WDFY3: variants seen among roughly 807,000 people sequenced by gnomAD.
WDFY3 encodes WD repeat and FYVE domain-containing protein 3.
Under a neutral mutation model 409.6 loss-of-function variants are expected in WDFY3, and 66 were observed. The observed-to-expected ratio is 0.16, with a 90% CI of 0.13 to 0.20. WDFY3 has a LOEUF of 0.20. Among genes scored for constraint, WDFY3 ranks in the 10% least tolerant of loss-of-function variants. The pLI is 1.00. For synonymous variants in WDFY3, 1,521 were observed against 1,537.1 expected (o/e 0.99, Z 0.25); for missense variants, 3,031 against 4,298.1 (o/e 0.71, Z 8.24).
intron 3 of WDFY3, among the ~76,000 whole-genome samples, chr4:84,878,311 A>C (rs1020164043): frequency 6.6e-6 from 1 of 152,248 alleles, no homozygotes; most frequent in African/African-American, 2.4e-5. Flanking sequence ...TAGTGTCATA[A>C]GAAATCATGA....
At chr4:84,710,231 T>C (rs1442354122) in intron 51 of WDFY3, among the ~76,000 whole-genome samples, 1 of 152,186 alleles carries the variant, frequency 6.6e-6, no homozygotes, top group African/African-American at 2.4e-5. Flanking sequence ...GATCCAAGCA[T>C]ACTTAATTAG....
At chr4:84,829,237 G>T in intron 8 of WDFY3, 47 bp from the exon 9 acceptor site, 1 of 1,429,074 alleles carries the variant, frequency 7.0e-7, no homozygotes, top group Non-Finnish European at 9.3e-7. Flanking sequence ...CCTGACAATC[G>T]CTTAAAAATT....
At chr4:84,792,271 T>G (rs1031964860) in intron 21 of WDFY3, among the ~76,000 whole-genome samples, 1 of 152,192 alleles carries the variant, frequency 6.6e-6, no homozygotes, top group South Asian at 2.1e-4. Context: ...TGAGGTGACT[T>G]GATATAGGAA....
intron 44 of WDFY3, among the ~76,000 whole-genome samples, chr4:84,730,091 T>C (rs2149142955): frequency 1.3e-5 from 2 of 152,280 alleles, no homozygotes; most frequent in African/African-American, 4.8e-5. Flanking sequence ...TTAAGGTAGT[T>C]TAAACTTTAG....
At chr4:84,744,619 C>T (rs1164324945) in intron 36 of WDFY3, among the ~76,000 whole-genome samples, 1 of 151,356 alleles carries the variant, frequency 6.6e-6, no homozygotes, top group Non-Finnish European at 1.5e-5. Context: ...TTTGGGAGGC[C>T]GAGGCGGGCG....
intron 67 of WDFY3, among the ~76,000 whole-genome samples, chr4:84,674,375 G>A (rs1725908667): frequency 6.6e-6 from 1 of 151,810 alleles, no homozygotes; most frequent in African/African-American, 2.4e-5. Context: ...TGTGAGACCA[G>A]CCTGGGGAAC....
intron 24 of WDFY3, among the ~76,000 whole-genome samples, chr4:84,785,151 A>G (rs1202897992): frequency 2.0e-5 from 3 of 151,858 alleles, no homozygotes; most frequent in Non-Finnish European, 4.4e-5. Context: ...ATCTTTCTCC[A>G]TCAGAGCCAA....
intron 2 of WDFY3, among the ~76,000 whole-genome samples, chr4:84,897,658 C>A (rs1009062952): frequency 6.6e-6 from 1 of 152,062 alleles, no homozygotes; most frequent in African/African-American, 2.4e-5. Context: ...GGGAAATGCA[C>A]TTTTAAGATA....
chr4:84,899,082 ACTGT>A (rs1456057895), intron 2 of WDFY3, among the ~76,000 whole-genome samples: 1 of 152,234 alleles, frequency 6.6e-6, no homozygotes, highest in East Asian at 1.9e-4. Flanking sequence ...GATACGATCA[ACTGT>A]CTAATTGATT....
chr4:84,765,343 T>C (rs1028372539), intron 32 of WDFY3, among the ~76,000 whole-genome samples: 5 of 152,204 alleles, frequency 3.3e-5, no homozygotes, highest in Non-Finnish European at 5.9e-5. Context: ...GTTAAAAGCA[T>C]AGGCTTTGGA....
At chr4:84,808,231 A>G (rs902584777) in intron 15 of WDFY3, 103 bp downstream of exon 15, 6 of 1,007,496 alleles carry the variant, frequency 6.0e-6, no homozygotes, top group African/African-American at 1.6e-5. Context: ...AAAACAAAAA[A>G]AAACTGAAAT....
intron 9 of WDFY3, among the ~76,000 whole-genome samples, chr4:84,828,543 G>A (rs1755197452): frequency 1.3e-5 from 2 of 152,130 alleles, no homozygotes; most frequent in Admixed American, 6.6e-5. Context: ...CATCATGTTT[G>A]TGCCCTGCAT....
At chr4:84,885,495 CAAA>C (rs1452117368) in intron 3 of WDFY3, among the ~76,000 whole-genome samples, 1 of 150,982 alleles carries the variant, frequency 6.6e-6, no homozygotes, top group Non-Finnish European at 1.5e-5. Flanking sequence ...TGTAAGCCAA[CAAA>C]AAAAGAGAGA....
rs1193033916 is a variant in WDFY3 at position 84,751,552 on chromosome 4, G to A, written c.5904C>T (p.Val1968=). ...TGAGACAGAGGTTGTCTATGATTAA[G>A]ACCCGCATGAAGTCAAAAACGAACT... The part of the protein sequence containing the change: ...AKKFVFDFMR[V]LIIDNLCLTP... Residue 1968 remains valine (V), a synonymous_variant, in exon 36 of 68, where the codon GTC becomes GTT. Transcript: ENST00000295888. 1.1e-5 allele frequency: 17 copies of A among 1,614,220 alleles called. No individual in the cohort carries two copies. The highest frequency in any genetic ancestry group is 1.4e-5 in the Non-Finnish European group (17 of 1,180,036).
intron 21 of WDFY3, among the ~76,000 whole-genome samples, chr4:84,793,815 TATATTA>T (rs1748921680): frequency 6.6e-6 from 1 of 152,184 alleles, no homozygotes; most frequent in Non-Finnish European, 1.5e-5. Context: ...ACATTCATAT[TATATTA>T]ATATTTATTG....
chr4:84,886,847 T>G (rs931513008), intron 3 of WDFY3, among the ~76,000 whole-genome samples: 4 of 152,186 alleles, frequency 2.6e-5, no homozygotes, highest in African/African-American at 9.6e-5. Context: ...TTCAATACCC[T>G]AGATTTGCCT....
chr4:84,741,467 A>T (rs1021769317), intron 38 of WDFY3, among the ~76,000 whole-genome samples: 7 of 151,972 alleles, frequency 4.6e-5, no homozygotes, highest in Non-Finnish European at 8.8e-5. Context: ...GGCGCGCACC[A>T]ACATGCCTGG....
At chr4:84,673,142 A>T (rs1578080661) in intron 67 of WDFY3, 151 bp from the exon 68 acceptor site, 1 of 990,384 alleles carries the variant, frequency 1.0e-6, no homozygotes, top group East Asian at 2.6e-5. Flanking sequence ...CTAAAAGGAA[A>T]GCTGTATTAT....
chr4:84,761,590 A>G (rs1742603823), intron 32 of WDFY3, among the ~76,000 whole-genome samples: 1 of 152,178 alleles, frequency 6.6e-6, no homozygotes, highest in South Asian at 2.1e-4. Flanking sequence ...AGCAATGGCA[A>G]CAAAAGCCAA....
Sources: allele counts gnomAD v4.1 joint callset (sites outside exome capture counted in the v4.1 genomes callset), GRCh38; gene constraint gnomAD v4.1.1; transcripts MANE v1.5; gene names NCBI Gene and HGNC (gene_info 2026-07-23, HGNC 2026-07-21).